Variants in FN1 observed in about 807,000 individuals in gnomAD.
The protein encoded by FN1 is fibronectin 1, also known as fibronectin.
In FN1, 106 loss-of-function variants were observed where a neutral mutation model predicts 297.3. That is an observed-to-expected ratio of 0.36 (90% confidence interval 0.30 to 0.42). The LOEUF is 0.42. Among genes scored for constraint, FN1 ranks in the 10% least tolerant of loss-of-function variants. The pLI, the probability that FN1 is intolerant of heterozygous loss-of-function variation, is 1.00. For missense variants in FN1, 2,690 were observed against 3,124.9 expected, an observed-to-expected ratio of 0.86 and a Z score of 3.32; for synonymous variants, 1,149 against 1,152.6, an observed-to-expected ratio of 1.00 and a Z score of 0.06.
rs1201491767 is a variant in FN1 at position 215,370,438 on chromosome 2, A to T, written c.6715-6T>A. ...GAAGTTCCAGGAACCCTGAACTGCA[A>T]TTATCGGTACATCCAAAGCAGAGAG... On this transcript the variant is annotated splice_region_variant and splice_polypyrimidine_tract_variant and intron_variant, in intron 40 of 45. Transcript: ENST00000354785. 6.2e-7 allele frequency: 1 copy of T among 1,613,268 alleles called. No individual in the cohort carries two copies. The highest frequency in any genetic ancestry group is 8.5e-7 in the Non-Finnish European group (1 of 1,179,524).
intron 2 of FN1, 109 bp from the exon 3 acceptor site, chr2:215,433,570 T>G (rs781306192): frequency 3.8e-6 from 4 of 1,051,124 alleles, no homozygotes; most frequent in Admixed American, 2.0e-5. Context: ...AGTAACATGG[T>G]ACACCTCAAA....
chr2:215,391,504 G>C lies in FN1; in HGVS notation c.4252+128C>G, dbSNP rs940738. The C allele has an allele frequency of 0.38, 291,589 of 766,432 alleles. 60,145 individuals are homozygous for C. Among genetic ancestry groups the C allele is most frequent in the South Asian group, 0.52 (36,465 of 70,232 alleles). 47.5% of individuals were successfully genotyped at this position (766,432 alleles called of 1,614,324 possible). The stretch of plus-strand genomic sequence containing the variant: ...TTCAAAATTAATGGAGCTGTGCATT[G>C]AATTCAGAGTTTAGTTTGTAGCTTG... On this transcript the variant is annotated intron_variant, in intron 26 of 45. Coordinates refer to ENST00000354785, the MANE Select transcript of FN1 (RefSeq NM_212482.4).
At chr2:215,377,452 T>C (rs2057494916) in intron 35 of FN1, among the ~76,000 whole-genome samples, 1 of 152,066 alleles carries the variant, frequency 6.6e-6, no homozygotes, top group South Asian at 2.1e-4. Context: ...CATTTAAATG[T>C]ATAAGGTCCT....
intron 10 of FN1, 160 bp from the exon 11 acceptor site, chr2:215,420,961 G>A: frequency 1.3e-6 from 1 of 777,196 alleles, no homozygotes; most frequent in African/African-American, 1.7e-5. Context: ...TTTTTTCAAA[G>A]TTTGGTCAGT....
chr2:215,410,310 T>C (rs531593527), intron 13 of FN1, among the ~76,000 whole-genome samples, 196 bp from the exon 14 acceptor site: 4 of 152,318 alleles, frequency 2.6e-5, no homozygotes, highest in South Asian at 2.1e-4. Flanking sequence ...ATGCTAACTA[T>C]TGTTAACATC....
In FN1 at chr2:215,425,198, T is replaced by A. The variant is rs752943538; in HGVS notation, c.932A>T (p.Asp311Val). Residue 311 changes from aspartate to valine, a missense_variant, in exon 7 of 46, where the codon GAC (aspartate) becomes GTC (valine). Transcript: ENST00000354785. ...CCCCACAGAGTAGACCACACCACTGTCTGTGACACAGTGGCCATAGGGAGG... is the reference window on the plus strand; with the variant it reads ...CCCCACAGAGTAGACCACACCACTGACTGTGACACAGTGGCCATAGGGAGG... ...QPPPYGHCVTDSGVVYSVGMQ... is the reference protein window; with the variant it reads ...QPPPYGHCVTVSGVVYSVGMQ... 7.4e-6 allele frequency: 12 copies of A among 1,614,158 alleles called. No individual in the cohort carries two copies. The highest frequency in any genetic ancestry group is 1.0e-5 in the Non-Finnish European group (12 of 1,180,018).
chr2:215,432,550 C>A (rs1364400233), intron 3 of FN1, among the ~76,000 whole-genome samples: 1 of 152,206 alleles, frequency 6.6e-6, no homozygotes, highest in Non-Finnish European at 1.5e-5. Flanking sequence ...CTTGGATAAA[C>A]CCTAACATGA....
In FN1 at chr2:215,388,561, G is replaced by A. The variant is rs147741200; in HGVS notation, c.4253-260C>T. On this transcript the variant is annotated intron_variant, in intron 26 of 45. Coordinates refer to ENST00000354785, the MANE Select transcript of FN1 (RefSeq NM_212482.4). ...TGTGAGTGTGACTCAGCTGGATTTCGAGTGGGATGAAGTTGCTGCAACAGC... is the reference window on the plus strand; with the variant it reads ...TGTGAGTGTGACTCAGCTGGATTTCAAGTGGGATGAAGTTGCTGCAACAGC... Among the ~76,000 whole-genome samples the A allele has an allele frequency of 2.3e-3, 344 of 152,274 alleles. 1 individual carries two copies. The highest frequency in any genetic ancestry group is 7.7e-3 in the African/African-American group (318 of 41,550).
At chr2:215,434,043 A>G (rs996779973) in intron 2 of FN1, among the ~76,000 whole-genome samples, 8 of 152,238 alleles carry the variant, frequency 5.3e-5, no homozygotes, top group African/African-American at 1.9e-4. Context: ...CAGAGGTTGC[A>G]GTGAGCTGAG....
chr2:215,371,724 G>T (rs541839598), intron 40 of FN1, 185 bp downstream of exon 40: 5 of 577,138 alleles, frequency 8.7e-6, no homozygotes, highest in African/African-American at 7.6e-5. Flanking sequence ...TGTTGGCCAG[G>T]CTGGTCTTGA....
rs1559495220 is a variant in FN1, at chr2:215,406,347, G to T, written c.2877C>A (p.Asn959Lys). 6.2e-7 allele frequency: 1 copy of T among 1,614,114 alleles called. No individual in the cohort carries two copies. Among genetic ancestry groups the T allele is most frequent in the Non-Finnish European group, 8.5e-7 (1 of 1,180,056 alleles). Residue 959 changes from asparagine to lysine, a missense_variant, in exon 19 of 46, where the codon AAC becomes AAA. By Grantham distance (94) the Asn-to-Lys change is moderately conservative. Coordinates refer to ENST00000354785, the MANE Select transcript of FN1 (RefSeq NM_212482.4). ...ACAGCCCGGTGACTTCTGCAAAGGTGTTCCTGCTGATGGGCAGCCTCTGCC... is the reference window on the plus strand; with the variant it reads ...ACAGCCCGGTGACTTCTGCAAAGGTTTTCCTGCTGATGGGCAGCCTCTGCC... Reference protein sequence around the residue: ...EHGQRLPISRNTFAEVTGLSP... With the variant: ...EHGQRLPISRKTFAEVTGLSP...
chr2:215,426,355 A>G (rs1421165481), intron 6 of FN1, among the ~76,000 whole-genome samples: 3 of 151,262 alleles, frequency 2.0e-5, no homozygotes, highest in Admixed American at 6.6e-5. Flanking sequence ...TCACCGTGTT[A>G]GCCAGGATGG....
chr2:215,393,437 T>C (rs2059944851), intron 24 of FN1: 1 of 179,294 alleles, frequency 5.6e-6, no homozygotes, highest in Non-Finnish European at 1.1e-5. Context: ...AATATATATA[T>C]ATATATATTT....
chr2:215,420,500 T>A (rs1042643426), intron 11 of FN1, among the ~76,000 whole-genome samples, 173 bp downstream of exon 11: 3 of 152,098 alleles, frequency 2.0e-5, no homozygotes, highest in Admixed American at 6.5e-5. Context: ...CGACTACCAA[T>A]ATCGAGATAT....
In FN1 at chr2:215,388,282, T is replaced by G. The variant is rs2059275845; in HGVS notation, c.4272A>C (p.Glu1424Asp). The G allele has an allele frequency of 6.2e-7, 1 of 1,613,726 alleles. No homozygotes were observed. The highest frequency in any genetic ancestry group is 8.5e-7 in the Non-Finnish European group (1 of 1,179,612). The change falls in exon 27 of 46, where the codon GAA becomes GAC. Residue 1424 changes from glutamate to aspartate, a missense_variant. Coordinates refer to ENST00000354785, the MANE Select transcript of FN1 (RefSeq NM_212482.4). ...VVLTNLLPGT[E>D]YVVSVSSVYE... is the part of the protein sequence containing the mutation. ...AGACACTGGAGACACTCACTACATA[T>G]TCTGTACCAGGCAGGAGATCTGTAG...
chr2:215,397,667 A>C lies in FN1; in HGVS notation c.3517+13T>G. The stretch of plus-strand genomic sequence containing the variant: ...TTTAAAAACTAATAGAAAAGGGAAA[A>C]AATTCTTCTTACGTGTCACCACTTT... On this transcript the variant is annotated intron_variant, in intron 22 of 45. Coordinates refer to ENST00000354785, the MANE Select transcript of FN1 (RefSeq NM_212482.4). 6.2e-7 allele frequency: 1 copy of C among 1,613,410 alleles called. No homozygotes were observed. Among genetic ancestry groups the C allele is most frequent in the South Asian group, 1.1e-5 (1 of 91,052 alleles).
rs762910841 is a variant in FN1, at chr2:215,434,773, C to T, written c.200G>A (p.Arg67Gln). Residue 67 changes from arginine (R) to glutamine (Q), a missense_variant, in exon 2 of 46, where the codon CGG becomes CAG. By Grantham distance (43) the Arg-to-Gln change is conservative. Transcript: ENST00000354785. ...AACCAACGCATTGCCTAGGTAGGTC[C>T]GCTCCCACTGTTGATTTATCTGATA... ...KHYQINQQWE[R>Q]TYLGNALVCT... The T allele has an allele frequency of 6.2e-7, 1 of 1,614,000 alleles. No homozygotes were observed. The highest frequency in any genetic ancestry group is 8.5e-7 in the Non-Finnish European group (1 of 1,179,892).
chr2:215,422,010 T>C lies in FN1; in HGVS notation c.1546+81A>G, dbSNP rs2064481541. The C allele has an allele frequency of 1.6e-5, 20 of 1,287,064 alleles. No individual in the cohort carries two copies. In the South Asian group the frequency reaches 2.4e-4, roughly 15 times the overall value. 79.7% of individuals were successfully genotyped at this position (1,287,064 alleles called of 1,614,324 possible). On this transcript the variant is annotated intron_variant, in intron 10 of 45. Transcript: ENST00000354785. ...CATATTTCTTCCCCTGCTTTTGGCA[T>C]AGTGCAAGTTTTCATAAAAAAAAGT...
intron 34 of FN1, 82 bp downstream of exon 34, chr2:215,379,048 T>G: frequency 8.7e-7 from 1 of 1,153,960 alleles, no homozygotes; most frequent in African/African-American, 1.5e-5. Context: ...AGATTTATTA[T>G]GATATTATAT....
Sources: gnomAD v4.1 joint callset for allele counts (sites outside exome capture counted in the v4.1 genomes callset) on GRCh38, gnomAD v4.1.1 for gene constraint, MANE v1.5 for transcripts, NCBI Gene and HGNC (gene_info 2026-07-23, HGNC 2026-07-21) for gene names.